OR2L13: variants seen among roughly 807,000 people sequenced by gnomAD.
The protein encoded by OR2L13 is olfactory receptor 2L13.
Under a neutral mutation model 15.3 loss-of-function variants are expected in OR2L13, and 14 were observed. That is an observed-to-expected ratio of 0.91 (90% CI 0.60 to 1.43). OR2L13 has a LOEUF of 1.43. Ranked by LOEUF, OR2L13 falls within the 40% of genes most tolerant of loss-of-function variation. The pLI is 0.00. For synonymous variants in OR2L13, 152 were observed against 142.9 expected, an observed-to-expected ratio of 1.06 and a Z score of -0.45; for missense variants, 367 against 387.9, an observed-to-expected ratio of 0.95 and a Z score of 0.45.
the OR2L13 span, chr1:248,022,374 A>T: frequency 6.2e-7 from 1 of 1,614,182 alleles, no homozygotes. Context: ...GTATGTGCTG[A>T]TGATAACAGG....
the OR2L13 span, among the ~76,000 whole-genome samples, chr1:248,059,389 C>T: frequency 6.6e-6 from 1 of 152,210 alleles, no homozygotes; most frequent in South Asian, 2.1e-4. Context: ...ATTGAATTTT[C>T]CTCAAAATTC....
At chr1:248,022,421 C>G in the OR2L13 span, 2 of 1,614,200 alleles carry the variant, frequency 1.2e-6, no homozygotes, top group East Asian at 4.5e-5. Flanking sequence ...CTTGTGCTCA[C>G]ACAGTATATG....
the OR2L13 span, chr1:247,996,879 T>C: frequency 6.6e-6 from 1 of 152,194 alleles, no homozygotes; most frequent in East Asian, 1.9e-4. Flanking sequence ...GCTTTTCAAA[T>C]GCAGGAATAT....
At chr1:248,084,277 C>T in the OR2L13 span, 4 of 1,611,848 alleles carry the variant, frequency 2.5e-6, no homozygotes, top group East Asian at 2.2e-5. Context: ...CACTCTCCAC[C>T]ACCCAGTGTG....
chr1:248,032,427 T>C, the OR2L13 span, among the ~76,000 whole-genome samples: 1 of 152,168 alleles, frequency 6.6e-6, no homozygotes, highest in Non-Finnish European at 1.5e-5. Context: ...ATTTATATTG[T>C]TCTGCAACCA....
At chr1:248,034,412 A>G in the OR2L13 span, among the ~76,000 whole-genome samples, 1 of 150,958 alleles carries the variant, frequency 6.6e-6, no homozygotes, top group African/African-American at 2.5e-5. Flanking sequence ...CAGTTTTTCA[A>G]TTTTGTCCTT....
At chr1:247,940,599 C>T in the OR2L13 span, among the ~76,000 whole-genome samples, 1 of 152,048 alleles carries the variant, frequency 6.6e-6, no homozygotes, top group South Asian at 2.1e-4. Context: ...ATAGGTATTC[C>T]TTATCCAACT....
chr1:247,954,758 G>A, the OR2L13 span, among the ~76,000 whole-genome samples: 1 of 151,896 alleles, frequency 6.6e-6, no homozygotes, highest in African/African-American at 2.4e-5. Context: ...GATATTTAAA[G>A]CATGCCAACG....
At chr1:247,954,770 T>C in the OR2L13 span, among the ~76,000 whole-genome samples, 3 of 152,056 alleles carry the variant, frequency 2.0e-5, no homozygotes, top group Non-Finnish European at 4.4e-5. Flanking sequence ...ATGCCAACGT[T>C]TTCATCATGT....
In OR2L13 at chr1:248,099,889, G is replaced by A. The variant is rs528434879; in HGVS notation, c.514G>A (p.Ala172Thr). The A allele has an allele frequency of 1.4e-5, 23 of 1,614,038 alleles. No homozygotes were observed. In the East Asian group the frequency reaches 4.0e-4, roughly 28 times the overall value. Reference sequence around the variant, plus strand: ...TCATATTCCCTACTGCAGGTCTAGGGCTATTGACCATTTCTTCTGCGATGT... The same window carrying A: ...TCATATTCCCTACTGCAGGTCTAGGACTATTGACCATTTCTTCTGCGATGT... The change falls in exon 3 of 3, where the codon GCT (alanine) becomes ACT (threonine). Residue 172 changes from alanine to threonine, a missense_variant. Coordinates refer to ENST00000641714, the Ensembl canonical transcript of OR2L13.
chr1:247,987,534 A>G, the OR2L13 span, among the ~76,000 whole-genome samples: 1 of 152,134 alleles, frequency 6.6e-6, no homozygotes, highest in African/African-American at 2.4e-5. Flanking sequence ...ACATCACTTT[A>G]ATGTTTTATT....
In OR2L13 at chr1:248,099,660, A is replaced by G. The variant is rs369330936; in HGVS notation, c.285A>G (p.Gly95=). 14 of 1,613,890 alleles carry G rather than the reference A, an allele frequency of 8.7e-6. No homozygotes were observed. In the African/African-American group the frequency reaches 1.9e-4, roughly 22 times the overall value. The change falls in exon 3 of 3, where the codon GGA becomes GGG. Residue 95 remains glycine (G), a synonymous_variant. Transcript: ENST00000641714. ...GCCAGAAAGGCATCTCCTTCCTGGG[A>G]TGTGGTGTGCAAAGCTTCTTCTTCC...
the OR2L13 span, among the ~76,000 whole-genome samples, chr1:247,991,859 A>G: frequency 1.3e-5 from 2 of 149,630 alleles, no homozygotes; most frequent in Non-Finnish European, 3.0e-5. Flanking sequence ...TCTCTGAGTG[A>G]AAGGCCATTG....
chr1:248,022,697 C>T, the OR2L13 span: 1 of 1,614,168 alleles, frequency 6.2e-7, no homozygotes, highest in Non-Finnish European at 8.5e-7. Context: ...TAACTTTCTA[C>T]TATGCACCCT....
the OR2L13 span, chr1:247,949,612 C>T: frequency 9.9e-6 from 16 of 1,613,916 alleles, no homozygotes; most frequent in Admixed American, 1.2e-4. Context: ...TTCTACTATG[C>T]ACCTTTTGTC....
the OR2L13 span, among the ~76,000 whole-genome samples, chr1:248,068,971 A>C: frequency 6.6e-6 from 1 of 152,142 alleles, no homozygotes; most frequent in Non-Finnish European, 1.5e-5. Context: ...ATATGGGACT[A>C]TGTGAAAAGA....
chr1:247,998,649 C>G, the OR2L13 span, among the ~76,000 whole-genome samples: 1 of 152,016 alleles, frequency 6.6e-6, no homozygotes, highest in African/African-American at 2.4e-5. Context: ...GTTAAAATTA[C>G]CAGTCTGTAG....
At chr1:248,027,129 G>C in the OR2L13 span, among the ~76,000 whole-genome samples, 3 of 152,050 alleles carry the variant, frequency 2.0e-5, no homozygotes, top group African/African-American at 7.2e-5. Context: ...GTTCCTAGGG[G>C]GCGGCCTCTA....
the OR2L13 span, chr1:247,975,055 T>G: frequency 3.1e-6 from 1 of 322,830 alleles, no homozygotes; most frequent in African/African-American, 2.2e-5. Flanking sequence ...TCTTTGTGAC[T>G]TTAGCAGGTG....
Sources: allele counts gnomAD v4.1 joint callset (sites outside exome capture counted in the v4.1 genomes callset), GRCh38; gene constraint gnomAD v4.1.1; transcripts MANE v1.5; gene names NCBI Gene and HGNC (gene_info 2026-07-23, HGNC 2026-07-21).